Variants in SRL observed in about 807,000 individuals in gnomAD.
The protein encoded by SRL is sarcalumenin.
A neutral mutation model predicts 39.5 loss-of-function variants in SRL; 23 were observed. That is an observed-to-expected ratio of 0.58 (90% CI 0.42 to 0.82). The LOEUF (loss-of-function observed/expected upper bound fraction) is 0.82, where lower values mean the gene tolerates loss of function less well. SRL is among the 40% of genes least tolerant of loss of function. SRL has a pLI of 0.00. For missense variants in SRL, 592 were observed against 607.8 expected (o/e 0.97, Z 0.27); for synonymous variants, 272 against 237.4 (o/e 1.15, Z -1.34).
Position 4,197,131 on chromosome 16 carries a change from C to T in SRL, c.376+668G>A, listed in dbSNP as rs147038201. Among the ~76,000 whole-genome samples, 457 of 127,020 alleles carry T rather than the reference C, an allele frequency of 3.6e-3. 2 individuals carry two copies. Among genetic ancestry groups the T allele is most frequent in the African/African-American group, 0.012 (382 of 33,010 alleles). The allele number at this position is 127,020 out of a possible 152,430, so 83.3% of individuals were successfully genotyped here. On this transcript the variant is annotated intron_variant, in intron 4 of 5. Transcript: ENST00000399609. Reference sequence around the variant, plus strand: ...TCGCCCAGGCTGGAGTGCAGTGGCGCGATTTTGGCTCACTGCAACCTCTGC... The same window carrying T: ...TCGCCCAGGCTGGAGTGCAGTGGCGTGATTTTGGCTCACTGCAACCTCTGC...
rs112019087 is a variant in SRL, at chr16:4,235,569, C to T, written c.61+6438G>A. On this transcript the variant is annotated intron_variant, in intron 1 of 5. Coordinates refer to ENST00000399609, the MANE Select transcript of SRL (RefSeq NM_001098814.2). The stretch of plus-strand genomic sequence containing the variant: ...AAATAAAATTAGCTGGGTGTGGTGA[C>T]ACATGCCTGTAGTCCCAGCTACTCT... 3.9e-3 allele frequency among the ~76,000 whole-genome samples: 590 copies of T among 152,126 alleles called. 5 individuals are homozygous for T. The highest frequency in any genetic ancestry group is 0.014 in the African/African-American group (567 of 41,500).
In SRL at chr16:4,190,389, C is replaced by T. The variant is rs913943883; in HGVS notation, c.*1764G>A. 4 of 398,740 alleles carry T rather than the reference C, an allele frequency of 1.0e-5. No individual in the cohort carries two copies. Among genetic ancestry groups the T allele is most frequent in the Non-Finnish European group, 8.8e-6 (2 of 226,274 alleles). The allele number at this position is 398,740 out of a possible 1,614,324, so 24.7% of individuals were successfully genotyped here. A position where few individuals can be genotyped will look rare whatever the true frequency, so the allele number is the denominator to read the frequency against. On this transcript the variant is annotated 3_prime_UTR_variant, in exon 6 of 6. Coordinates refer to ENST00000399609, the MANE Select transcript of SRL (RefSeq NM_001098814.2). ...ACTCCTGCCTCGTGGGTAAGGCCCCCAGGACAGCTTGTTCCCAAGAGAAGC... is the reference window on the plus strand; with the variant it reads ...ACTCCTGCCTCGTGGGTAAGGCCCCTAGGACAGCTTGTTCCCAAGAGAAGC...
At chr16:4,227,668 C>T (rs1275664389) in intron 1 of SRL, among the ~76,000 whole-genome samples, 4 of 152,146 alleles carry the variant, frequency 2.6e-5, no homozygotes, top group Non-Finnish European at 4.4e-5. Flanking sequence ...TTCCAAGAGA[C>T]AGGAGAGGAC....
At position 4,214,913 on chromosome 16, in the gene SRL, G is replaced by A. The variant is rs2052438821; in HGVS notation, c.62-10279C>T. Among the ~76,000 whole-genome samples, 3 of 152,050 alleles carry A rather than the reference G, an allele frequency of 2.0e-5. No homozygotes were observed. In the South Asian group the frequency reaches 6.2e-4, roughly 32 times the overall value. On this transcript the variant is annotated intron_variant, in intron 1 of 5. Coordinates refer to ENST00000399609, the MANE Select transcript of SRL (RefSeq NM_001098814.2). ...CTCCCGAGTAGCTGGGATTACAGGT[G>A]CCTGCCACCACTCCTGGCTAATTTT...
At chr16:4,230,175 T>C (rs2386885) in intron 1 of SRL, among the ~76,000 whole-genome samples, 78,507 of 151,760 alleles carry the variant, frequency 0.52, 22,205 homozygotes, top group African/African-American at 0.76. Context: ...CCTGAGCCAG[T>C]CCTCCATCTG....
At chr16:4,224,114 G>C (rs761022110) in intron 1 of SRL, among the ~76,000 whole-genome samples, 1 of 152,122 alleles carries the variant, frequency 6.6e-6, no homozygotes. Flanking sequence ...CTGGGACCCC[G>C]GGCATCTGGA....
chr16:4,220,338 C>G (rs2052510402), intron 1 of SRL, among the ~76,000 whole-genome samples: 1 of 146,294 alleles, frequency 6.8e-6, no homozygotes, highest in Admixed American at 6.9e-5. Context: ...CACACAGCTA[C>G]TCAGGAGGCT....
At chr16:4,223,950 G>C (rs934949810) in intron 1 of SRL, among the ~76,000 whole-genome samples, 1 of 152,160 alleles carries the variant, frequency 6.6e-6, no homozygotes, top group Non-Finnish European at 1.5e-5. Context: ...CATCATGGGT[G>C]GGGGCATAGC....
At chr16:4,217,604 A>G (rs1981570) in intron 1 of SRL, among the ~76,000 whole-genome samples, 2 of 152,130 alleles carry the variant, frequency 1.3e-5, no homozygotes, top group Middle Eastern at 3.4e-3. Flanking sequence ...TACCCAGCGA[A>G]GTAACCTTGG....
intron 3 of SRL, among the ~76,000 whole-genome samples, chr16:4,198,706 C>G (rs1477022084): frequency 2.6e-5 from 4 of 152,172 alleles, no homozygotes; most frequent in Non-Finnish European, 5.9e-5. Context: ...CTTGGCTCCC[C>G]AAAATGCTGG....
At chr16:4,201,267 C>T (rs2052225894) in intron 3 of SRL, among the ~76,000 whole-genome samples, 1 of 152,018 alleles carries the variant, frequency 6.6e-6, no homozygotes. Context: ...GCGCATGCCA[C>T]CATGTCCAGC....
intron 2 of SRL, 39 bp from the exon 3 acceptor site, chr16:4,203,300 G>A: frequency 6.4e-7 from 1 of 1,569,252 alleles, no homozygotes; most frequent in Non-Finnish European, 8.8e-7. Context: ...CATCACGCAG[G>A]TGCGATCCAG....
At chr16:4,194,421 C>G (rs1567173223) in intron 5 of SRL, among the ~76,000 whole-genome samples, 1 of 152,146 alleles carries the variant, frequency 6.6e-6, no homozygotes. Context: ...CCCCTGCTAC[C>G]TGAGGGCAAG....
intron 2 of SRL, 48 bp from the exon 3 acceptor site, chr16:4,203,309 A>G (rs754699953): frequency 2.6e-6 from 4 of 1,534,996 alleles, no homozygotes; most frequent in South Asian, 2.2e-5. Flanking sequence ...GGTGCGATCC[A>G]GGCAGCTCCT....
intron 1 of SRL, chr16:4,207,702 C>G (rs1030632455): frequency 4.8e-6 from 2 of 414,620 alleles, no homozygotes; most frequent in African/African-American, 4.1e-5. Context: ...CTCCTCCTCT[C>G]CTTGTCCCTC....
rs143801337 is a variant in SRL, at chr16:4,217,186, C to A, written c.62-12552G>T. Among the ~76,000 whole-genome samples, 1,520 of 152,218 alleles carry A rather than the reference C, an allele frequency of 1.0e-2. 19 individuals carry two copies. Among genetic ancestry groups the A allele is most frequent in the Non-Finnish European group, 0.015 (1,023 of 67,970 alleles). On this transcript the variant is annotated intron_variant, in intron 1 of 5. Transcript: ENST00000399609. ...TTCTTCCTGGGGCTGAGGCTCCAGC[C>A]TCCTAGATAGTGGCTGGTCTCTCTG...
chr16:4,195,547 A>T lies in SRL; in HGVS notation c.610+6T>A. The T allele has an allele frequency of 1.2e-6, 2 of 1,613,814 alleles. No homozygotes were observed. Among genetic ancestry groups the T allele is most frequent in the Non-Finnish European group, 1.7e-6 (2 of 1,179,762 alleles). ...TTACACTGTTCAGAAATGAGGGCTA[A>T]ATTACCTCTTTCTTGCTGCTTGCGG... On this transcript the variant is annotated splice_donor_region_variant and intron_variant, in intron 5 of 5. Coordinates refer to ENST00000399609, the MANE Select transcript of SRL (RefSeq NM_001098814.2).
chr16:4,225,215 A>C (rs1448200137), intron 1 of SRL, among the ~76,000 whole-genome samples: 1 of 152,200 alleles, frequency 6.6e-6, no homozygotes, highest in Non-Finnish European at 1.5e-5. Context: ...AATATACTAA[A>C]AACTACTGAA....
chr16:4,228,180 T>C (rs915901011), intron 1 of SRL, among the ~76,000 whole-genome samples: 1 of 152,040 alleles, frequency 6.6e-6, no homozygotes, highest in African/African-American at 2.4e-5. Context: ...GGCTCACGCC[T>C]GTAATCCCAG....
Sources: gnomAD v4.1 joint callset for allele counts (sites outside exome capture counted in the v4.1 genomes callset) on GRCh38, gnomAD v4.1.1 for gene constraint, MANE v1.5 for transcripts, NCBI Gene and HGNC (gene_info 2026-07-23, HGNC 2026-07-21) for gene names.